Variants in SLC24A2 observed in about 807,000 individuals in gnomAD.
SLC24A2 encodes the protein solute carrier family 24 member 2, also known as sodium/potassium/calcium exchanger 2.
SLC24A2 carries 36 observed loss-of-function variants against 62.0 expected under a neutral mutation model. The observed-to-expected ratio is 0.58, with a 90% confidence interval of 0.44 to 0.77. The LOEUF (loss-of-function observed/expected upper bound fraction) is 0.77. Among genes scored for constraint, SLC24A2 ranks in the 30% least tolerant of loss-of-function variants. The probability of loss-of-function intolerance (pLI) is 0.00; values close to 1 mark genes in which losing one functional copy is unlikely to be tolerated. For synonymous variants in SLC24A2, 358 were observed against 294.0 expected (o/e 1.22, Z -2.23); for missense variants, 846 against 817.9 (o/e 1.03, Z -0.42).
the SLC24A2 span, among the ~76,000 whole-genome samples, chr9:20,254,240 T>C: frequency 6.6e-6 from 1 of 152,250 alleles, no homozygotes; most frequent in Non-Finnish European, 1.5e-5. Flanking sequence ...GCTCTGGCTC[T>C]ATTATGCCTC....
chr9:20,009,103 T>A, the SLC24A2 span, among the ~76,000 whole-genome samples: 1 of 152,136 alleles, frequency 6.6e-6, no homozygotes, highest in Non-Finnish European at 1.5e-5. Context: ...TCTGGACTCA[T>A]GGTTTCTATA....
chr9:19,647,479 T>C (rs529827967), intron 2 of SLC24A2, among the ~76,000 whole-genome samples: 54 of 152,346 alleles, frequency 3.5e-4, no homozygotes, highest in African/African-American at 1.3e-3. Context: ...TATGTTTTCA[T>C]GTGGCAGGTG....
chr9:19,662,710 CT>C (rs1397411958), intron 2 of SLC24A2, among the ~76,000 whole-genome samples: 1 of 152,176 alleles, frequency 6.6e-6, no homozygotes, highest in African/African-American at 2.4e-5. Flanking sequence ...GTTCTTTCCC[CT>C]TCTCTTTTGA....
At chr9:20,160,232 A>G in the SLC24A2 span, among the ~76,000 whole-genome samples, 1 of 151,518 alleles carries the variant, frequency 6.6e-6, no homozygotes, top group Non-Finnish European at 1.5e-5. Flanking sequence ...GCAATTGTCA[A>G]TGAACATTTA....
upstream of SLC24A2, among the ~76,000 whole-genome samples, chr9:19,790,963 G>C (rs751852866): frequency 6.6e-6 from 1 of 152,172 alleles, no homozygotes; most frequent in Non-Finnish European, 1.5e-5. Flanking sequence ...GTGAGAAGAG[G>C]AATGAGATCC....
chr9:19,953,225 T>C, the SLC24A2 span, among the ~76,000 whole-genome samples: 3 of 152,146 alleles, frequency 2.0e-5, no homozygotes, highest in South Asian at 4.1e-4. Flanking sequence ...ATTTTTTCTG[T>C]TGTTTGTCCA....
At chr9:20,254,229 A>G in the SLC24A2 span, among the ~76,000 whole-genome samples, 1 of 152,140 alleles carries the variant, frequency 6.6e-6, no homozygotes. Context: ...TCTTACTTTG[A>G]GCTCTGGCTC....
the SLC24A2 span, among the ~76,000 whole-genome samples, chr9:20,146,120 T>C: frequency 6.6e-6 from 1 of 152,190 alleles, no homozygotes; most frequent in Non-Finnish European, 1.5e-5. Flanking sequence ...ATTTTTTCAC[T>C]GATTTGTGTT....
At chr9:20,260,849 C>CTTTTTT in the SLC24A2 span, among the ~76,000 whole-genome samples, 6 of 90,282 alleles carry the variant, frequency 6.6e-5, 1 homozygote, top group East Asian at 1.7e-3. Context: ...ATCATTCTTT[C>CTTTTTT]TTTTTTTTTT....
At chr9:19,838,277 T>C in the SLC24A2 span, among the ~76,000 whole-genome samples, 16 of 151,682 alleles carry the variant, frequency 1.1e-4, no homozygotes, top group Non-Finnish European at 1.9e-4. Context: ...TATCTACAAC[T>C]ATCTGATCTT....
At chr9:20,157,387 G>A in the SLC24A2 span, among the ~76,000 whole-genome samples, 1 of 151,680 alleles carries the variant, frequency 6.6e-6, no homozygotes, top group Non-Finnish European at 1.5e-5. Context: ...TATATTCTCA[G>A]AGAGTGGAAT....
At chr9:20,144,237 C>G in the SLC24A2 span, among the ~76,000 whole-genome samples, 1 of 152,218 alleles carries the variant, frequency 6.6e-6, no homozygotes, top group African/African-American at 2.4e-5. Flanking sequence ...AACTTTTCAG[C>G]TAGCACATGT....
the SLC24A2 span, among the ~76,000 whole-genome samples, chr9:20,160,037 G>A: frequency 4.6e-5 from 7 of 151,368 alleles, no homozygotes; most frequent in East Asian, 7.8e-4. Flanking sequence ...GCTCTATGCT[G>A]AACATAAGAC....
At chr9:19,707,210 A>C (rs912487280) in intron 2 of SLC24A2, among the ~76,000 whole-genome samples, 2 of 152,130 alleles carry the variant, frequency 1.3e-5, no homozygotes, top group African/African-American at 4.8e-5. Flanking sequence ...AACCAGGAAG[A>C]AGTTGAATCT....
chr9:20,021,716 T>C, the SLC24A2 span, among the ~76,000 whole-genome samples: 1 of 152,094 alleles, frequency 6.6e-6, no homozygotes, highest in Non-Finnish European at 1.5e-5. Context: ...GCCCCCAAAC[T>C]TCAGCTCAGA....
the SLC24A2 span, among the ~76,000 whole-genome samples, chr9:19,855,593 C>A: frequency 6.6e-6 from 1 of 152,160 alleles, no homozygotes; most frequent in African/African-American, 2.4e-5. Flanking sequence ...AAATTCTTTT[C>A]TTCAAGAATG....
chr9:20,101,936 G>A, the SLC24A2 span, among the ~76,000 whole-genome samples: 4 of 152,240 alleles, frequency 2.6e-5, no homozygotes, highest in South Asian at 4.1e-4. Context: ...ACACGTCTGA[G>A]CTTAACAGTG....
chr9:19,873,536 C>CTTTCTTTCTTTATTTCTTTCTT, the SLC24A2 span, among the ~76,000 whole-genome samples: 7 of 137,040 alleles, frequency 5.1e-5, 1 homozygote, highest in South Asian at 6.7e-4. Context: ...TCCTTTCTTT[C>CTTTCTTTCTTTATTTCTTTCTT]TCTTTCTTTC....
intron 4 of SLC24A2, among the ~76,000 whole-genome samples, chr9:19,605,120 C>G (rs1836947860): frequency 6.6e-6 from 1 of 152,152 alleles, no homozygotes; most frequent in South Asian, 2.1e-4. Context: ...ATAGCAAATG[C>G]CTGCCAGTAA....
Sources: gnomAD v4.1 joint callset for allele counts (sites outside exome capture counted in the v4.1 genomes callset) on GRCh38, gnomAD v4.1.1 for gene constraint, MANE v1.5 for transcripts, NCBI Gene and HGNC (gene_info 2026-07-23, HGNC 2026-07-21) for gene names.